CFAP161: variants seen among roughly 807,000 people sequenced by gnomAD.
CFAP161 encodes the protein cilia- and flagella-associated protein 161.
CFAP161 carries 25 observed loss-of-function variants against 29.0 expected under a neutral mutation model. The observed-to-expected ratio is 0.86, with a 90% CI of 0.63 to 1.20. The LOEUF (loss-of-function observed/expected upper bound fraction) is 1.20, where lower values mean the gene tolerates loss of function less well. CFAP161 is among the 50% of genes most tolerant of loss of function. CFAP161 has a pLI of 0.00. For synonymous variants in CFAP161, 116 were observed against 137.4 expected (o/e 0.84, Z 1.09); for missense variants, 367 against 371.9 (o/e 0.99, Z 0.11).
At chr15:81,105,155 CCCT>C (rs1315704459) in intron 1 of CFAP161, among the ~76,000 whole-genome samples, 1 of 26,204 alleles carries the variant, frequency 3.8e-5, no homozygotes, top group African/African-American at 1.2e-4. Context: ...CTCCCTCCCT[CCCT>C]CCCTTCCTTC....
At chr15:81,122,245 G>T (rs187040168) in intron 1 of CFAP161, among the ~76,000 whole-genome samples, 103 of 152,192 alleles carry the variant, frequency 6.8e-4, no homozygotes, top group African/African-American at 2.4e-3. Context: ...GCGATTGCTG[G>T]GTCAAATGGT....
At chr15:81,118,184 G>T in intron 1 of CFAP161, 1 of 473,348 alleles carries the variant, frequency 2.1e-6, no homozygotes, top group East Asian at 5.3e-5. Flanking sequence ...TTTTCACTGA[G>T]TACAAATTTT....
chr15:81,128,697 A>G (rs1369738882), intron 2 of CFAP161, among the ~76,000 whole-genome samples: 1 of 152,166 alleles, frequency 6.6e-6, no homozygotes, highest in African/African-American at 2.4e-5. Flanking sequence ...CCTCCCATGA[A>G]TCACAAATGT....
chr15:81,123,071 T>G (rs1033791180), intron 1 of CFAP161, among the ~76,000 whole-genome samples: 5 of 152,262 alleles, frequency 3.3e-5, no homozygotes, highest in Non-Finnish European at 7.3e-5. Context: ...TTTTTGCTTT[T>G]GTTGCAATTG....
intron 1 of CFAP161, among the ~76,000 whole-genome samples, chr15:81,109,056 G>A (rs1422414585): frequency 3.3e-5 from 5 of 152,220 alleles, no homozygotes; most frequent in Middle Eastern, 3.4e-3. Flanking sequence ...GCATTGTCAC[G>A]GTGGAGAAGG....
At chr15:81,128,910 C>T (rs878867838) in intron 2 of CFAP161, among the ~76,000 whole-genome samples, 2 of 150,276 alleles carry the variant, frequency 1.3e-5, no homozygotes, top group South Asian at 2.1e-4. Flanking sequence ...GCCAAGATCA[C>T]GCCACTGCAC....
intron 1 of CFAP161, among the ~76,000 whole-genome samples, chr15:81,126,600 A>T (rs1311936098): frequency 6.6e-6 from 1 of 152,174 alleles, no homozygotes; most frequent in Non-Finnish European, 1.5e-5. Context: ...TGCTGGACAG[A>T]TACCTTACGT....
chr15:81,100,285 G>T (rs1894288185), intron 1 of CFAP161, among the ~76,000 whole-genome samples: 1 of 148,924 alleles, frequency 6.7e-6, no homozygotes, highest in East Asian at 1.9e-4. Flanking sequence ...AATTATTTCA[G>T]TGCTGATTAT....
At chr15:81,140,118 G>A (rs1213518065) in intron 4 of CFAP161, among the ~76,000 whole-genome samples, 1 of 151,454 alleles carries the variant, frequency 6.6e-6, no homozygotes, top group East Asian at 1.9e-4. Flanking sequence ...GTTGATTTGG[G>A]TTTATATACC....
At chr15:81,115,263 T>G (rs910501834) in intron 1 of CFAP161, among the ~76,000 whole-genome samples, 3 of 152,198 alleles carry the variant, frequency 2.0e-5, no homozygotes, top group African/African-American at 7.2e-5. Flanking sequence ...AACTTTCACA[T>G]TTCCCGTTTT....
chr15:81,125,018 G>A (rs1442166033), intron 1 of CFAP161, among the ~76,000 whole-genome samples: 2 of 151,220 alleles, frequency 1.3e-5, no homozygotes, highest in African/African-American at 4.9e-5. Flanking sequence ...AATGACCCAG[G>A]CATAGATACC....
At chr15:81,115,143 T>C (rs552856721) in intron 1 of CFAP161, among the ~76,000 whole-genome samples, 11 of 152,324 alleles carry the variant, frequency 7.2e-5, no homozygotes, top group Middle Eastern at 6.8e-3. Flanking sequence ...CAGTCTTTTT[T>C]ATTATCAGGC....
intron 1 of CFAP161, chr15:81,117,780 G>T: frequency 3.4e-6 from 1 of 294,792 alleles, no homozygotes; most frequent in Non-Finnish European, 6.7e-6. Flanking sequence ...CTTCATCTTT[G>T]TCATCATCCC....
At chr15:81,132,158 C>T (rs1894720457), upstream of CFAP161, among the ~76,000 whole-genome samples, 1 of 151,962 alleles carries the variant, frequency 6.6e-6, no homozygotes, top group Non-Finnish European at 1.5e-5. Flanking sequence ...ATGCCTTTAG[C>T]CCCAGGTACT....
At chr15:81,128,487 C>A (rs527523882) in intron 2 of CFAP161, among the ~76,000 whole-genome samples, 6 of 152,336 alleles carry the variant, frequency 3.9e-5, no homozygotes, top group South Asian at 2.1e-4. Flanking sequence ...CTCAAGACTG[C>A]AGCTCCATTT....
At chr15:81,118,358 A>G (rs1365469437) in intron 1 of CFAP161, 1 of 303,102 alleles carries the variant, frequency 3.3e-6, no homozygotes, top group African/African-American at 2.3e-5. Context: ...AAACACTCTT[A>G]CATCTCAGCT....
At chr15:81,139,395 A>G (rs1016481465) in intron 4 of CFAP161, among the ~76,000 whole-genome samples, 1 of 152,196 alleles carries the variant, frequency 6.6e-6, no homozygotes, top group African/African-American at 2.4e-5. Context: ...CCTGATAAAT[A>G]TTGACTTACT....
chr15:81,119,375 A>G (rs1894541378), intron 1 of CFAP161, among the ~76,000 whole-genome samples: 1 of 152,170 alleles, frequency 6.6e-6, no homozygotes, highest in African/African-American at 2.4e-5. Context: ...TCTTTTATAA[A>G]TTTTATATTA....
intron 3 of CFAP161, 41 bp downstream of exon 3, chr15:81,136,789 A>G (rs182043667): frequency 3.3e-5 from 51 of 1,528,800 alleles, no homozygotes; most frequent in Non-Finnish European, 4.5e-5. Flanking sequence ...CATCATAAAT[A>G]TGTTTCACTT....
Sources: allele counts gnomAD v4.1 joint callset (sites outside exome capture counted in the v4.1 genomes callset), GRCh38; gene constraint gnomAD v4.1.1; transcripts MANE v1.5; gene names NCBI Gene and HGNC (gene_info 2026-07-23, HGNC 2026-07-21).